PEX5: variants seen among roughly 807,000 people sequenced by gnomAD.
PEX5 encodes PTS1 receptor.
PEX5 carries 52 observed loss-of-function variants against 82.9 expected under a neutral mutation model. The observed-to-expected ratio is 0.63, with a 90% confidence interval of 0.50 to 0.79. The LOEUF (loss-of-function observed/expected upper bound fraction) is 0.79. Ranked by LOEUF, PEX5 falls within the 30% of genes least tolerant of loss-of-function variation. The probability of loss-of-function intolerance (pLI) is 0.00; values close to 1 mark genes in which losing one functional copy is unlikely to be tolerated. For missense variants in PEX5, 719 were observed against 815.2 expected (o/e 0.88, Z 1.44); for synonymous variants, 300 against 318.8 (o/e 0.94, Z 0.63).
chr12:7,203,386 G>A, intron 9 of PEX5, 46 bp from the exon 10 acceptor site: 2 of 1,581,342 alleles, frequency 1.3e-6, no homozygotes, highest in Non-Finnish European at 1.7e-6. Context: ...GGGGTGGGGT[G>A]GTCATGATGG....
intron 5 of PEX5, among the ~76,000 whole-genome samples, chr12:7,193,809 T>C (rs1941614621): frequency 6.6e-6 from 1 of 152,198 alleles, no homozygotes; most frequent in African/African-American, 2.4e-5. Flanking sequence ...AAAAGAACTT[T>C]AGAAAAACAT....
At chr12:7,213,933 A>G (rs970035642), downstream of PEX5, among the ~76,000 whole-genome samples, 2 of 152,196 alleles carry the variant, frequency 1.3e-5, no homozygotes, top group African/African-American at 4.8e-5. Flanking sequence ...GACACTTTTC[A>G]AAAGAAGACA....
At chr12:7,196,118 A>G (rs1942058638) in intron 5 of PEX5, among the ~76,000 whole-genome samples, 1 of 111,744 alleles carries the variant, frequency 8.9e-6, no homozygotes, top group Non-Finnish European at 2.0e-5. Context: ...TTATTACATT[A>G]TGTTATATAT....
At chr12:7,215,153 A>G (rs1190234684), downstream of PEX5, among the ~76,000 whole-genome samples, 1 of 152,234 alleles carries the variant, frequency 6.6e-6, no homozygotes, top group Non-Finnish European at 1.5e-5. Context: ...AATAAATGAA[A>G]AAATGCTCAA....
chr12:7,198,717 A>G (rs780289372), intron 5 of PEX5, among the ~76,000 whole-genome samples: 55 of 152,282 alleles, frequency 3.6e-4, no homozygotes, highest in African/African-American at 1.3e-3. Context: ...AATATCTTGC[A>G]CTTCAAGAAA....
Position 7,191,267 on chromosome 12 carries a change from G to C in PEX5, c.225G>C (p.Val75=), listed in dbSNP as rs1941054422. 6.2e-6 allele frequency: 10 copies of C among 1,614,144 alleles called. No individual in the cohort carries two copies. In the African/African-American group the frequency reaches 9.3e-5, roughly 15 times the overall value. The change falls in exon 4 of 16, where the codon GTG becomes GTC. Residue 75 remains valine, a synonymous_variant. Transcript: ENST00000675855. The part of the protein sequence containing the change: ...EFLQDQNAPL[V]SRAPQTFKMD... ...TGCAGGACCAGAATGCACCCCTTGT[G>C]TCCCGTGCCCCTCAGACCTTCAAGA...
intron 5 of PEX5, among the ~76,000 whole-genome samples, chr12:7,196,100 C>G (rs148764226): frequency 5.8e-5 from 7 of 121,626 alleles, no homozygotes; most frequent in Non-Finnish European, 1.3e-4. Flanking sequence ...TATGTTATAA[C>G]GTATTTCTTA....
At chr12:7,218,063 G>A (rs970118204) in intron 17 of PEX5, among the ~76,000 whole-genome samples, 6 of 152,140 alleles carry the variant, frequency 3.9e-5, no homozygotes, top group African/African-American at 1.4e-4. Context: ...CCTGAATCAA[G>A]GGTGTGAAGA....
At chr12:7,215,671 A>ATAAG (rs1243699370), downstream of PEX5, among the ~76,000 whole-genome samples, 1 of 152,212 alleles carries the variant, frequency 6.6e-6, no homozygotes, top group Non-Finnish European at 1.5e-5. Flanking sequence ...ATTCTCACTT[A>ATAAG]TAAGTGACAG....
In PEX5 at chr12:7,208,590, C is replaced by T. The variant is rs756242143; in HGVS notation, c.1315C>T (p.Leu439=). ...WLRYTPAYAH[L]VTPAEEGAGG... ...GCGGTACACACCAGCCTATGCCCAT[C>T]TGGTGACACCTGCTGAAGAAGGGGC... The change falls in exon 13 of 16, where the codon CTG becomes TTG. Residue 439 remains leucine (L), a synonymous_variant. Transcript: ENST00000675855. 3.1e-6 allele frequency: 5 copies of T among 1,614,148 alleles called. No individual in the cohort carries two copies. The highest frequency in any genetic ancestry group is 2.2e-5 in the South Asian group (2 of 91,086).
At chr12:7,194,042 G>A (rs1420044474) in intron 5 of PEX5, among the ~76,000 whole-genome samples, 1 of 152,160 alleles carries the variant, frequency 6.6e-6, no homozygotes, top group Admixed American at 6.5e-5. Flanking sequence ...AGATCTGGGA[G>A]AAAAAGCTAA....
At chr12:7,218,206 C>T (rs1945833919) in intron 17 of PEX5, among the ~76,000 whole-genome samples, 1 of 152,132 alleles carries the variant, frequency 6.6e-6, no homozygotes, top group Non-Finnish European at 1.5e-5. Context: ...CTTTAAGAGT[C>T]CTTCCAGGAT....
At chr12:7,209,460 G>C (rs1945241645) in intron 14 of PEX5, among the ~76,000 whole-genome samples, 1 of 152,192 alleles carries the variant, frequency 6.6e-6, no homozygotes, top group Non-Finnish European at 1.5e-5. Flanking sequence ...AGAAGGCTGG[G>C]AGTGTAGGGT....
chr12:7,217,388 A>G (rs1208391166), intron 17 of PEX5, among the ~76,000 whole-genome samples: 1 of 152,178 alleles, frequency 6.6e-6, no homozygotes, highest in Non-Finnish European at 1.5e-5. Flanking sequence ...CGCTGTACTC[A>G]CCGGGGAACA....
downstream of PEX5, among the ~76,000 whole-genome samples, chr12:7,213,428 T>C (rs1945683037): frequency 2.1e-5 from 2 of 95,098 alleles, no homozygotes; most frequent in Non-Finnish European, 4.7e-5. Flanking sequence ...TAACACCGCA[T>C]ATCTACAACT....
downstream of PEX5, among the ~76,000 whole-genome samples, chr12:7,215,609 A>T (rs1261533004): frequency 6.6e-6 from 1 of 152,240 alleles, no homozygotes; most frequent in Non-Finnish European, 1.5e-5. Flanking sequence ...TTGCCGCTGG[A>T]GGCCATTATC....
chr12:7,210,486 C>T lies in PEX5; in HGVS notation c.*263C>T, dbSNP rs1011047288. The T allele has an allele frequency of 7.0e-6, 4 of 568,404 alleles. No homozygotes were observed. The African/African-American group carries it at 7.5e-5, about 11-fold the overall frequency. 35.2% of individuals were successfully genotyped at this position (568,404 alleles called of 1,614,324 possible). On this transcript the variant is annotated 3_prime_UTR_variant, in exon 16 of 16. Coordinates refer to ENST00000675855, the MANE Select transcript of PEX5 (RefSeq NM_001351132.2). ...TACAGATCTCTCTGCTCATCATGCC[C>T]TTTCTTGGTGCTGCTTTTTGGGTAG...
Position 7,202,633 on chromosome 12 carries a change from G to A in PEX5, c.775G>A (p.Asp259Asn), listed in dbSNP as rs1211727785. The change falls in exon 9 of 16, where the codon GAC becomes AAC. Residue 259 changes from aspartate to asparagine, a missense_variant. Coordinates refer to ENST00000675855, the MANE Select transcript of PEX5 (RefSeq NM_001351132.2). Reference protein sequence around the residue: ...QQQGTSDAWVDQFTRPVNTSA... With the variant: ...QQQGTSDAWVNQFTRPVNTSA... ...GCAGGGTACATCAGATGCCTGGGTT[G>A]ACCAGTTCACAAGACCAGTAAACAC... The A allele has an allele frequency of 6.2e-7, 1 of 1,614,084 alleles. No homozygotes were observed. Among genetic ancestry groups the A allele is most frequent in the Non-Finnish European group, 8.5e-7 (1 of 1,179,984 alleles).
downstream of PEX5, among the ~76,000 whole-genome samples, chr12:7,214,530 C>T (rs1448996242): frequency 6.2e-5 from 8 of 128,476 alleles, no homozygotes; most frequent in Non-Finnish European, 9.3e-5. Flanking sequence ...AACACATGGA[C>T]ACAGGAAGGG....
Sources: gnomAD v4.1 joint callset for allele counts (sites outside exome capture counted in the v4.1 genomes callset) on GRCh38, gnomAD v4.1.1 for gene constraint, MANE v1.5 for transcripts, NCBI Gene and HGNC (gene_info 2026-07-23, HGNC 2026-07-21) for gene names.